Variants in CABLES1 observed in about 807,000 individuals in gnomAD.
CABLES1 encodes the protein Cdk5 and Abl enzyme substrate 1.
A neutral mutation model predicts 57.8 loss-of-function variants in CABLES1; 36 were observed. The ratio of observed to expected loss-of-function variants is 0.62; its 90% CI spans 0.48 to 0.82. The LOEUF (loss-of-function observed/expected upper bound fraction) is 0.82. CABLES1 is among the 40% of genes least tolerant of loss of function. The probability of loss-of-function intolerance (pLI) is 0.00; values close to 1 mark genes in which losing one functional copy is unlikely to be tolerated. For missense variants in CABLES1, 767 were observed against 836.6 expected, an observed-to-expected ratio of 0.92 and a Z score of 1.03; for synonymous variants, 374 against 363.0, an observed-to-expected ratio of 1.03 and a Z score of -0.35.
At chr18:23,154,164 CAT>C (rs1271853243) in intron 1 of CABLES1, among the ~76,000 whole-genome samples, 11 of 152,132 alleles carry the variant, frequency 7.2e-5, no homozygotes, top group African/African-American at 2.7e-4. Context: ...TCAACTTGCA[CAT>C]GTTTGTATCT....
intron 3 of CABLES1, among the ~76,000 whole-genome samples, chr18:23,212,741 C>T (rs1170952904): frequency 6.6e-6 from 1 of 151,924 alleles, no homozygotes; most frequent in Non-Finnish European, 1.5e-5. Context: ...TCCTGGACGT[C>T]TGAATGGGGA....
chr18:23,160,438 G>A (rs892293955), intron 1 of CABLES1, among the ~76,000 whole-genome samples: 4 of 152,186 alleles, frequency 2.6e-5, no homozygotes, highest in Non-Finnish European at 4.4e-5. Context: ...TGCCCTGCAG[G>A]TGCAGTGCCG....
At chr18:23,244,042 G>A (rs2047812352) in intron 7 of CABLES1, among the ~76,000 whole-genome samples, 1 of 152,150 alleles carries the variant, frequency 6.6e-6, no homozygotes. Context: ...ATTTGTCTCG[G>A]ATTTTTGACA....
At chr18:23,160,029 C>T (rs1464206176) in intron 1 of CABLES1, among the ~76,000 whole-genome samples, 2 of 151,442 alleles carry the variant, frequency 1.3e-5, no homozygotes, top group South Asian at 4.2e-4. Context: ...AAAATTATCC[C>T]AAGCAAGAAC....
At chr18:23,197,464 C>T (rs768607484) in intron 3 of CABLES1, 7 of 152,274 alleles carry the variant, frequency 4.6e-5, no homozygotes, top group Non-Finnish European at 8.8e-5. Context: ...GCATTGGGAC[C>T]TTCTAGAGGG....
chr18:23,239,962 A>T (rs973244657), intron 7 of CABLES1, among the ~76,000 whole-genome samples: 1 of 151,410 alleles, frequency 6.6e-6, no homozygotes, highest in Non-Finnish European at 1.5e-5. Context: ...TACTAAAAAT[A>T]AAAAAATTAG....
intron 7 of CABLES1, among the ~76,000 whole-genome samples, chr18:23,238,231 A>G (rs1204738960): frequency 6.6e-6 from 1 of 152,164 alleles, no homozygotes; most frequent in African/African-American, 2.4e-5. Context: ...AATCCCCCGT[A>G]CTCAAAGGAA....
intron 1 of CABLES1, among the ~76,000 whole-genome samples, chr18:23,179,615 GTA>G (rs1369175630): frequency 1.3e-5 from 2 of 152,256 alleles, no homozygotes; most frequent in Admixed American, 6.5e-5. Context: ...GTATGCCACT[GTA>G]GTGTCAGACT....
intron 1 of CABLES1, among the ~76,000 whole-genome samples, chr18:23,159,222 C>T (rs1429366798): frequency 6.6e-6 from 1 of 152,246 alleles, no homozygotes; most frequent in Non-Finnish European, 1.5e-5. Context: ...GCCTTGGCCT[C>T]CCAAAGTTTT....
intron 1 of CABLES1, among the ~76,000 whole-genome samples, chr18:23,169,007 A>G (rs2047062952): frequency 6.6e-6 from 1 of 152,210 alleles, no homozygotes; most frequent in Non-Finnish European, 1.5e-5. Context: ...CACAAGACAC[A>G]GGTCAGAAAG....
intron 1 of CABLES1, among the ~76,000 whole-genome samples, chr18:23,184,348 CGTCT>C (rs569334891): frequency 2.1e-5 from 3 of 145,790 alleles, no homozygotes; most frequent in African/African-American, 8.1e-5. Flanking sequence ...TGTGTAGGTC[CGTCT>C]GAGTTCAGAC....
chr18:23,150,866 T>G (rs2046924735), intron 1 of CABLES1, among the ~76,000 whole-genome samples: 1 of 151,652 alleles, frequency 6.6e-6, no homozygotes, highest in Non-Finnish European at 1.5e-5. Context: ...GCACTTGATC[T>G]GTTGCAGGAA....
intron 2 of CABLES1, among the ~76,000 whole-genome samples, chr18:23,192,503 G>A (rs1208070795): frequency 1.3e-5 from 2 of 152,218 alleles, no homozygotes; most frequent in Non-Finnish European, 2.9e-5. Context: ...CAGCTGGGAG[G>A]TGGGAGGAAG....
At chr18:23,185,010 ATGTTTAATC>A (rs1272905118) in intron 1 of CABLES1, among the ~76,000 whole-genome samples, 1 of 152,166 alleles carries the variant, frequency 6.6e-6, no homozygotes, top group Non-Finnish European at 1.5e-5. Context: ...GGGGACACAG[ATGTTTAATC>A]TGTAATAATG....
intron 3 of CABLES1, among the ~76,000 whole-genome samples, chr18:23,206,331 C>G (rs2047363146): frequency 1.3e-5 from 2 of 152,258 alleles, no homozygotes; most frequent in Admixed American, 1.3e-4. Flanking sequence ...TGGACTCATG[C>G]TTCTCCCCCA....
At chr18:23,147,775 C>G (rs948112294) in intron 1 of CABLES1, among the ~76,000 whole-genome samples, 2 of 152,116 alleles carry the variant, frequency 1.3e-5, no homozygotes, top group African/African-American at 4.8e-5. Flanking sequence ...AGCAATGAGG[C>G]TGTGAGGTGA....
intron 1 of CABLES1, among the ~76,000 whole-genome samples, chr18:23,155,609 G>A (rs192662430): frequency 3.3e-5 from 5 of 152,316 alleles, no homozygotes; most frequent in South Asian, 2.1e-4. Flanking sequence ...TTGTTGAGCC[G>A]TGTCCAGAGC....
At chr18:23,141,171 A>C (rs936579688) in intron 1 of CABLES1, among the ~76,000 whole-genome samples, 39 of 152,358 alleles carry the variant, frequency 2.6e-4, no homozygotes, top group African/African-American at 9.1e-4. Context: ...CAAGGAACCC[A>C]GGGCTCAGGA....
intron 1 of CABLES1, among the ~76,000 whole-genome samples, chr18:23,160,088 A>G (rs1397025055): frequency 6.7e-6 from 1 of 148,648 alleles, no homozygotes; most frequent in African/African-American, 2.5e-5. Context: ...CCCAGGTTGG[A>G]GTGCAGTGGC....
Sources: gnomAD v4.1 joint callset for allele counts (sites outside exome capture counted in the v4.1 genomes callset) on GRCh38, gnomAD v4.1.1 for gene constraint, MANE v1.5 for transcripts, NCBI Gene and HGNC (gene_info 2026-07-23, HGNC 2026-07-21) for gene names.